RFC3: variants seen among roughly 807,000 people sequenced by gnomAD.
RFC3 encodes the protein replication factor C subunit 3.
RFC3 carries 41 observed loss-of-function variants against 45.1 expected under a neutral mutation model. That is an observed-to-expected ratio of 0.91 (90% CI 0.71 to 1.18). The LOEUF (loss-of-function observed/expected upper bound fraction) is 1.18. Among genes scored for constraint, RFC3 ranks in the 50% most tolerant of loss-of-function variants. The pLI is 0.00. For synonymous variants in RFC3, 149 were observed against 144.0 expected, an observed-to-expected ratio of 1.03 and a Z score of -0.25; for missense variants, 423 against 428.1, an observed-to-expected ratio of 0.99 and a Z score of 0.10.
intron 8 of RFC3, among the ~76,000 whole-genome samples, chr13:33,956,119 C>T (rs1340107458): frequency 6.6e-6 from 1 of 152,158 alleles, no homozygotes; most frequent in African/African-American, 2.4e-5. Flanking sequence ...TGCCAGTGTC[C>T]ACCAATGTGT....
Position 33,836,375 on chromosome 13 carries a change from TAACTG to T in RFC3, c.*85_*89del. The T allele has an allele frequency of 6.5e-7, 1 of 1,539,014 alleles. No individual in the cohort carries two copies. The highest frequency in any genetic ancestry group is 1.2e-5 in the South Asian group (1 of 80,308). On this transcript the variant is annotated 3_prime_UTR_variant, in exon 9 of 9. Coordinates refer to ENST00000380071, the MANE Select transcript of RFC3 (RefSeq NM_002915.4). ...TATATTAAAAGAGCTGTGGGTAAATTAACTGAACTTAATCATGTCGTATTTGCGTT... is the reference window on the plus strand; with the variant it reads ...TATATTAAAAGAGCTGTGGGTAAATTAACTTAATCATGTCGTATTTGCGTT...
chr13:33,819,271 T>C (rs914096148), intron 1 of RFC3, among the ~76,000 whole-genome samples: 2 of 152,162 alleles, frequency 1.3e-5, no homozygotes, highest in Admixed American at 1.3e-4. Context: ...AAGTGCCCAA[T>C]GGCAATATTT....
chr13:33,945,624 A>G (rs1244713911), intron 8 of RFC3, among the ~76,000 whole-genome samples: 1 of 152,190 alleles, frequency 6.6e-6, no homozygotes, highest in Non-Finnish European at 1.5e-5. Context: ...TAAAATACAG[A>G]CCCACAGACC....
chr13:33,872,945 T>C (rs908079214), intron 8 of RFC3, among the ~76,000 whole-genome samples: 3 of 152,048 alleles, frequency 2.0e-5, no homozygotes, highest in Non-Finnish European at 4.4e-5. Context: ...CTACATTCAG[T>C]GATGACTGAA....
rs750917677 is a variant in RFC3 at position 33,829,991 on chromosome 13, C to T, written c.547C>T (p.Arg183Cys). 37 of 1,613,868 alleles carry T rather than the reference C, an allele frequency of 2.3e-5. No individual in the cohort carries two copies. Among genetic ancestry groups the T allele is most frequent in the Admixed American group, 5.0e-5 (3 of 59,976 alleles). ...TATTCGTAGTAGGTGCTTGGCGGTT[C>T]GTGTGCCTGCTCCCAGCATTGAAGA... is the stretch of plus-strand genomic sequence containing the variant. Reference protein sequence around the residue: ...PPIRSRCLAVRVPAPSIEDIC... With the variant: ...PPIRSRCLAVCVPAPSIEDIC... The change falls in exon 5 of 9, where the codon CGT (arginine) becomes TGT (cysteine). Residue 183 changes from arginine to cysteine, a missense_variant. Transcript: ENST00000380071.
At chr13:33,850,706 T>G (rs1054918540) in intron 8 of RFC3, 3 of 152,176 alleles carry the variant, frequency 2.0e-5, no homozygotes, top group Non-Finnish European at 4.4e-5. Context: ...TACAGTTAAC[T>G]TACAGGACAA....
At chr13:33,959,492 C>T (rs565398220) in intron 8 of RFC3, among the ~76,000 whole-genome samples, 5 of 152,292 alleles carry the variant, frequency 3.3e-5, no homozygotes, top group African/African-American at 1.2e-4. Flanking sequence ...TCTTGCAGAC[C>T]CCAGCATAAA....
intron 8 of RFC3, among the ~76,000 whole-genome samples, chr13:33,908,593 G>T (rs1414091528): frequency 7.5e-6 from 1 of 133,920 alleles, no homozygotes; most frequent in East Asian, 2.3e-4. Flanking sequence ...CAGAGAAAAA[G>T]AACACACAGG....
At chr13:33,818,355 C>G (rs1465553177) in intron 1 of RFC3, 90 bp downstream of exon 1, 3 of 1,014,840 alleles carry the variant, frequency 3.0e-6, no homozygotes, top group East Asian at 2.4e-5. Context: ...TTCTCCCGCC[C>G]GCATTGGAAG....
chr13:33,961,891 G>T (rs1296137120), intron 8 of RFC3, among the ~76,000 whole-genome samples: 1 of 152,190 alleles, frequency 6.6e-6, no homozygotes, highest in Non-Finnish European at 1.5e-5. Context: ...TGATGACCTG[G>T]CTGACAAATA....
downstream of RFC3, among the ~76,000 whole-genome samples, chr13:33,970,739 C>A (rs747281939): frequency 6.6e-6 from 1 of 152,234 alleles, no homozygotes; most frequent in Non-Finnish European, 1.5e-5. Flanking sequence ...AGGACACATA[C>A]CTCAGGGTTC....
At chr13:33,854,793 G>A (rs1303764688) in intron 8 of RFC3, among the ~76,000 whole-genome samples, 3 of 152,078 alleles carry the variant, frequency 2.0e-5, no homozygotes, top group African/African-American at 7.2e-5. Context: ...GTGATTTTGG[G>A]GACTGGCTGC....
chr13:33,891,930 A>T (rs2082566362), intron 8 of RFC3, among the ~76,000 whole-genome samples: 1 of 152,184 alleles, frequency 6.6e-6, no homozygotes. Flanking sequence ...ACATCAGAAA[A>T]TAATTTCTAG....
At chr13:33,826,961 A>G (rs993167297) in intron 4 of RFC3, among the ~76,000 whole-genome samples, 2 of 152,124 alleles carry the variant, frequency 1.3e-5, no homozygotes, top group Non-Finnish European at 2.9e-5. Flanking sequence ...TCTGAGGTGT[A>G]TGTATTTGAT....
intron 8 of RFC3, among the ~76,000 whole-genome samples, chr13:33,947,549 G>A (rs2082961851): frequency 6.6e-6 from 1 of 152,134 alleles, no homozygotes; most frequent in African/African-American, 2.4e-5. Flanking sequence ...TGGGCAACAG[G>A]CAGAAATTGG....
intron 8 of RFC3, among the ~76,000 whole-genome samples, chr13:33,938,372 C>T (rs1356936542): frequency 1.3e-5 from 2 of 151,926 alleles, no homozygotes; most frequent in Non-Finnish European, 1.5e-5. Context: ...TGGAGTTTGA[C>T]ACACATTCAG....
intron 4 of RFC3, among the ~76,000 whole-genome samples, chr13:33,829,017 G>A (rs1291018412): frequency 2.6e-5 from 4 of 152,156 alleles, no homozygotes; most frequent in Admixed American, 2.0e-4. Flanking sequence ...CTTGGGTAAA[G>A]CTTGTTGCCT....
intron 8 of RFC3, among the ~76,000 whole-genome samples, chr13:33,876,564 A>C (rs964132895): frequency 3.3e-5 from 5 of 152,218 alleles, no homozygotes; most frequent in African/African-American, 4.8e-5. Context: ...ATTTTAGAAA[A>C]CTGAGCCATA....
intron 8 of RFC3, among the ~76,000 whole-genome samples, chr13:33,964,352 G>A (rs528109164): frequency 7.7e-4 from 117 of 152,326 alleles, no homozygotes; most frequent in African/African-American, 2.7e-3. Flanking sequence ...ATTCACAACA[G>A]TGGTTCTTCT....
Sources: allele counts gnomAD v4.1 joint callset (sites outside exome capture counted in the v4.1 genomes callset), GRCh38; gene constraint gnomAD v4.1.1; transcripts MANE v1.5; gene names NCBI Gene and HGNC (gene_info 2026-07-23, HGNC 2026-07-21).